KLHL1: variants seen among roughly 807,000 people sequenced by gnomAD.
KLHL1 encodes the protein kelch-like protein 1.
In KLHL1, 47 loss-of-function variants were observed where a neutral mutation model predicts 77.7. That is an observed-to-expected ratio of 0.60 (90% CI 0.48 to 0.77). The LOEUF (loss-of-function observed/expected upper bound fraction) is 0.77, where lower values mean the gene tolerates loss of function less well. Ranked by LOEUF, KLHL1 falls within the 30% of genes least tolerant of loss-of-function variation. The pLI, the probability that KLHL1 is intolerant of heterozygous loss-of-function variation, is 0.00. For missense variants in KLHL1, 925 were observed against 910.8 expected (o/e 1.02, Z -0.20); for synonymous variants, 360 against 325.2 (o/e 1.11, Z -1.15).
chr13:70,093,788 G>A (rs890166741), intron 1 of KLHL1, among the ~76,000 whole-genome samples: 1 of 152,140 alleles, frequency 6.6e-6, no homozygotes, highest in Non-Finnish European at 1.5e-5. Flanking sequence ...ATCTCCAGGA[G>A]ATTGAGAAAT....
chr13:69,856,297 TA>T (rs1463834127), intron 5 of KLHL1, among the ~76,000 whole-genome samples: 1 of 152,074 alleles, frequency 6.6e-6, no homozygotes, highest in Non-Finnish European at 1.5e-5. Flanking sequence ...TCCTTTTTTG[TA>T]ATGCATCCTG....
intron 5 of KLHL1, among the ~76,000 whole-genome samples, chr13:69,858,852 G>A (rs186403473): frequency 4.6e-5 from 7 of 152,130 alleles, no homozygotes; most frequent in Admixed American, 3.3e-4. Flanking sequence ...GAAAGAATAC[G>A]TCCAGAGGAA....
chr13:69,984,536 C>T (rs188837028), intron 1 of KLHL1, among the ~76,000 whole-genome samples: 18 of 152,234 alleles, frequency 1.2e-4, no homozygotes, highest in Admixed American at 1.0e-3. Flanking sequence ...AATGTCACAC[C>T]TGGTCCAACC....
intron 7 of KLHL1, among the ~76,000 whole-genome samples, chr13:69,750,992 A>G (rs1448397559): frequency 6.6e-6 from 1 of 152,024 alleles, no homozygotes; most frequent in East Asian, 1.9e-4. Flanking sequence ...TACATTCACA[A>G]TTGACAATAA....
At chr13:69,718,571 C>T (rs747472506) in intron 9 of KLHL1, among the ~76,000 whole-genome samples, 50 of 151,898 alleles carry the variant, frequency 3.3e-4, no homozygotes, top group Non-Finnish European at 6.0e-4. Context: ...CTAAATATTC[C>T]CTATCCTCAT....
At chr13:69,722,953 G>A (rs138707083) in intron 8 of KLHL1, among the ~76,000 whole-genome samples, 178 of 152,090 alleles carry the variant, frequency 1.2e-3, no homozygotes, top group African/African-American at 4.0e-3. Context: ...TAATGGAAAT[G>A]TGCTCCATTT....
intron 4 of KLHL1, among the ~76,000 whole-genome samples, chr13:69,925,391 C>T (rs1882782634): frequency 6.6e-6 from 1 of 152,054 alleles, no homozygotes; most frequent in African/African-American, 2.4e-5. Context: ...ATATAATAAT[C>T]CACTACTATA....
chr13:69,739,855 G>A (rs529379789), intron 8 of KLHL1, among the ~76,000 whole-genome samples: 3 of 152,150 alleles, frequency 2.0e-5, no homozygotes, highest in Non-Finnish European at 4.4e-5. Flanking sequence ...CCAGGGGATA[G>A]TAGACAATAT....
intron 1 of KLHL1, among the ~76,000 whole-genome samples, chr13:70,021,119 A>G (rs2049890): frequency 0.79 from 120,163 of 151,998 alleles, 47,696 homozygotes; most frequent in East Asian, 0.92. Flanking sequence ...AATGACATGT[A>G]TCCACCATTA....
intron 5 of KLHL1, among the ~76,000 whole-genome samples, chr13:69,881,379 T>C (rs531006353): frequency 6.6e-6 from 1 of 152,186 alleles, no homozygotes; most frequent in Non-Finnish European, 1.5e-5. Flanking sequence ...TAGTAACATA[T>C]GGATTAGTAA....
chr13:69,831,944 T>A (rs116069300), intron 6 of KLHL1, among the ~76,000 whole-genome samples: 1 of 149,994 alleles, frequency 6.7e-6, no homozygotes, highest in South Asian at 2.1e-4. Flanking sequence ...AGAGGGGACA[T>A]ACTTTAAGAT....
intron 5 of KLHL1, among the ~76,000 whole-genome samples, chr13:69,858,585 G>T (rs1880013488): frequency 6.6e-6 from 1 of 151,892 alleles, no homozygotes; most frequent in Non-Finnish European, 1.5e-5. Context: ...GATTTGAGAG[G>T]CATAGTCTTA....
chr13:69,725,223 T>C (rs923822499), intron 8 of KLHL1, among the ~76,000 whole-genome samples: 7 of 152,198 alleles, frequency 4.6e-5, no homozygotes, highest in Non-Finnish European at 8.8e-5. Flanking sequence ...AAATATGTTA[T>C]GAAAAACAGT....
In KLHL1 at chr13:69,997,784, T is replaced by G. The variant is rs1037957487; in HGVS notation, c.498-21982A>C. 2.7e-5 allele frequency among the ~76,000 whole-genome samples: 4 copies of G among 148,200 alleles called. No individual in the cohort carries two copies. In the East Asian group the frequency reaches 7.8e-4, roughly 29 times the overall value. ...ATATATAAATGTATAATATAATATA[T>G]AATATGTATTTTATATCTCACCTAT... is the stretch of plus-strand genomic sequence containing the variant. On this transcript the variant is annotated intron_variant, in intron 1 of 10. Coordinates refer to ENST00000377844, the MANE Select transcript of KLHL1 (RefSeq NM_020866.3).
intron 1 of KLHL1, among the ~76,000 whole-genome samples, chr13:69,981,759 C>CA (rs1262425257): frequency 8.1e-5 from 12 of 147,986 alleles, no homozygotes; most frequent in African/African-American, 2.8e-4. Flanking sequence ...GTCATTTTTA[C>CA]AAAAAAATTC....
chr13:70,031,755 G>T (rs1428448315), intron 1 of KLHL1, among the ~76,000 whole-genome samples: 1 of 152,166 alleles, frequency 6.6e-6, no homozygotes, highest in Non-Finnish European at 1.5e-5. Context: ...TCCTCCAGTT[G>T]TTCTAGAGTG....
intron 1 of KLHL1, among the ~76,000 whole-genome samples, chr13:70,081,216 G>A (rs1456208436): frequency 2.0e-5 from 3 of 152,068 alleles, no homozygotes; most frequent in Non-Finnish European, 2.9e-5. Flanking sequence ...TAGGTAACTG[G>A]TACCACTGGC....
At chr13:69,791,479 A>C (rs1272734411) in intron 7 of KLHL1, among the ~76,000 whole-genome samples, 1 of 152,180 alleles carries the variant, frequency 6.6e-6, no homozygotes, top group Non-Finnish European at 1.5e-5. Flanking sequence ...AATATCCAAA[A>C]ATTCTTAAAA....
intron 4 of KLHL1, among the ~76,000 whole-genome samples, chr13:69,897,746 C>A (rs1460081948): frequency 1.3e-5 from 2 of 152,172 alleles, no homozygotes; most frequent in African/African-American, 2.4e-5. Context: ...GGTGAGTCTA[C>A]TGCTGCCACT....
Sources: gnomAD v4.1 joint callset for allele counts (sites outside exome capture counted in the v4.1 genomes callset) on GRCh38, gnomAD v4.1.1 for gene constraint, MANE v1.5 for transcripts, NCBI Gene and HGNC (gene_info 2026-07-23, HGNC 2026-07-21) for gene names.